ZNF487: variants seen among roughly 807,000 people sequenced by gnomAD.
ZNF487 encodes the protein KRAB domain only 1.
Under a neutral mutation model 3.0 loss-of-function variants are expected in ZNF487, and 4 were observed. The observed-to-expected ratio is 1.35, with a 90% CI of 0.66 to 3.08. The LOEUF (loss-of-function observed/expected upper bound fraction) is 3.08. Among genes scored for constraint, ZNF487 ranks in the 30% most tolerant of loss-of-function variants. ZNF487 has a pLI of 0.01. For missense variants in ZNF487, 146 were observed against 98.7 expected (o/e 1.48, Z -2.03); for synonymous variants, 55 against 34.6 (o/e 1.59, Z -2.06).
At chr10:43,487,780 A>G (rs1841482729), downstream of ZNF487, among the ~76,000 whole-genome samples, 1 of 151,744 alleles carries the variant, frequency 6.6e-6, no homozygotes. Flanking sequence ...AAAAGTAGAA[A>G]TTTGTTAGAA....
chr10:43,512,174 C>A, the ZNF487 span, among the ~76,000 whole-genome samples: 1 of 152,208 alleles, frequency 6.6e-6, no homozygotes, highest in Admixed American at 6.5e-5. Context: ...CGTGCAGAAT[C>A]ATCTGTGAAC....
At chr10:43,486,284 G>A (rs1182704209), downstream of ZNF487, among the ~76,000 whole-genome samples, 1 of 152,112 alleles carries the variant, frequency 6.6e-6, no homozygotes, top group East Asian at 1.9e-4. Flanking sequence ...CAGCACTTTG[G>A]GAGGCCGAGG....
chr10:43,443,305 C>T (rs1374687914), intron 1 of ZNF487, among the ~76,000 whole-genome samples: 1 of 151,552 alleles, frequency 6.6e-6, no homozygotes, highest in African/African-American at 2.4e-5. Context: ...CTCAGGTGAT[C>T]CACCCACCTT....
the ZNF487 span, among the ~76,000 whole-genome samples, chr10:43,504,450 C>T: frequency 4.6e-5 from 7 of 151,866 alleles, no homozygotes; most frequent in East Asian, 1.4e-3. Context: ...TCCGCCACCA[C>T]TCCTGGCTAA....
the ZNF487 span, among the ~76,000 whole-genome samples, chr10:43,506,892 G>A: frequency 2.6e-5 from 4 of 152,192 alleles, no homozygotes; most frequent in African/African-American, 9.6e-5. Flanking sequence ...ATAATGAACA[G>A]GATGGTCCCA....
At chr10:43,498,075 T>TA in the ZNF487 span, among the ~76,000 whole-genome samples, 34 of 35,022 alleles carry the variant, frequency 9.7e-4, 1 homozygote, top group African/African-American at 2.2e-3. Flanking sequence ...ATTTGGTATT[T>TA]TATATATATA....
At chr10:43,492,488 A>G in the ZNF487 span, among the ~76,000 whole-genome samples, 5 of 151,280 alleles carry the variant, frequency 3.3e-5, no homozygotes, top group Non-Finnish European at 5.9e-5. Flanking sequence ...GTCTCGCTCT[A>G]TCGCCCAGGC....
At chr10:43,523,165 C>T in the ZNF487 span, 6 of 152,266 alleles carry the variant, frequency 3.9e-5, no homozygotes, top group African/African-American at 1.4e-4. Context: ...TATCCTAGAG[C>T]ATTTGCATGT....
chr10:43,465,196 C>A (rs1165221953), intron 1 of ZNF487, among the ~76,000 whole-genome samples: 1 of 146,956 alleles, frequency 6.8e-6, no homozygotes, highest in Admixed American at 6.7e-5. Flanking sequence ...GGGGGCTGAC[C>A]CCCCCACCTC....
At position 43,475,978 on chromosome 10, in the gene ZNF487, C is replaced by A; in HGVS notation, c.35-129C>A. The A allele has an allele frequency of 3.2e-5, 21 of 664,650 alleles. No homozygotes were observed. In the South Asian group the frequency reaches 3.3e-4, roughly 11 times the overall value. The allele number at this position is 664,650 out of a possible 1,614,324, so 41.2% of individuals were successfully genotyped here. On this transcript the variant is annotated intron_variant, in intron 2 of 3. Coordinates refer to ENST00000437590, the MANE Select transcript of ZNF487 (RefSeq NM_001355444.3). ...GGAGTTGAAGCTTGATTGATCCCTT[C>A]TGGGCACTGTAAAGAATATCTGTGG...
chr10:43,439,947 G>A (rs1436383636), intron 1 of ZNF487, among the ~76,000 whole-genome samples: 1 of 151,904 alleles, frequency 6.6e-6, no homozygotes, highest in Non-Finnish European at 1.5e-5. Flanking sequence ...AGATTTGCAA[G>A]ATGAAAATGT....
intron 1 of ZNF487, among the ~76,000 whole-genome samples, chr10:43,467,256 G>A (rs945014709): frequency 6.6e-6 from 1 of 151,656 alleles, no homozygotes; most frequent in Non-Finnish European, 1.5e-5. Flanking sequence ...CCAGGCTGGA[G>A]TGCAGTGGCA....
In ZNF487 at chr10:43,476,122, A is replaced by C; in HGVS notation, c.50A>C (p.Lys17Thr). The C allele has an allele frequency of 1.4e-6, 1 of 717,486 alleles. No homozygotes were observed. Among genetic ancestry groups the C allele is most frequent in the Non-Finnish European group, 2.6e-6 (1 of 385,100 alleles). 44.4% of individuals were successfully genotyped at this position (717,486 alleles called of 1,614,324 possible). ...LLLSVGYCITKPEVVCKLEHG... is the reference protein window; with the variant it reads ...LLLSVGYCITTPEVVCKLEHG... Reference sequence around the variant, plus strand: ...TCATTCACAGGATATTGCATTACCAAACCAGAGGTGGTTTGCAAGTTGGAG... The same window carrying C: ...TCATTCACAGGATATTGCATTACCACACCAGAGGTGGTTTGCAAGTTGGAG... The change falls in exon 3 of 4, where the codon AAA (lysine) becomes ACA (threonine). Residue 17 changes from lysine to threonine, a missense_variant. By Grantham distance (78) the Lys-to-Thr change is moderately conservative (BLOSUM62 -1). Transcript: ENST00000437590.
intron 1 of ZNF487, among the ~76,000 whole-genome samples, chr10:43,468,016 A>G (rs112479952): frequency 3.9e-4 from 60 of 152,272 alleles, no homozygotes; most frequent in Middle Eastern, 6.8e-3. Flanking sequence ...ACTTGAATCC[A>G]ACCCTTATGG....
intron 1 of ZNF487, among the ~76,000 whole-genome samples, chr10:43,447,251 T>A (rs986574154): frequency 5.1e-5 from 2 of 39,008 alleles, no homozygotes; most frequent in African/African-American, 5.7e-4. Context: ...GAGAACAACA[T>A]TTTTTTTTTG....
intron 1 of ZNF487, among the ~76,000 whole-genome samples, chr10:43,438,224 C>T (rs1254425526): frequency 6.6e-6 from 1 of 152,070 alleles, no homozygotes; most frequent in Non-Finnish European, 1.5e-5. Flanking sequence ...CTCCCTCTGT[C>T]GCCCAGGCTG....
chr10:43,493,448 A>T, the ZNF487 span, among the ~76,000 whole-genome samples: 1 of 151,816 alleles, frequency 6.6e-6, no homozygotes, highest in Non-Finnish European at 1.5e-5. Context: ...TAATCCCAGC[A>T]CTTTGGGAAG....
chr10:43,487,297 G>A (rs986537816), downstream of ZNF487, among the ~76,000 whole-genome samples: 2 of 151,966 alleles, frequency 1.3e-5, no homozygotes, highest in African/African-American at 4.8e-5. Flanking sequence ...GTGCGACCAT[G>A]CCTGGCTAAT....
At chr10:43,493,707 AAAATATATATAT>A in the ZNF487 span, among the ~76,000 whole-genome samples, 14,027 of 53,068 alleles carry the variant, frequency 0.26, 2,106 homozygotes, top group East Asian at 0.42. Flanking sequence ...AAAAAAAAAA[AAAATATATATAT>A]ATATATATAT....
Sources: gnomAD v4.1 joint callset for allele counts (sites outside exome capture counted in the v4.1 genomes callset) on GRCh38, gnomAD v4.1.1 for gene constraint, MANE v1.5 for transcripts, NCBI Gene and HGNC (gene_info 2026-07-23, HGNC 2026-07-21) for gene names.